The following DHRSX variants were observed in gnomAD, a reference collection of about 807,000 sequenced individuals.
DHRSX encodes polyprenol dehydrogenase.
In DHRSX, 31 loss-of-function variants were observed where a neutral mutation model predicts 34.0. The ratio of observed to expected loss-of-function variants is 0.91; its 90% CI spans 0.69 to 1.23. The LOEUF (loss-of-function observed/expected upper bound fraction) is 1.23, where lower values mean the gene tolerates loss of function less well. Ranked by LOEUF, DHRSX falls within the 50% of genes most tolerant of loss-of-function variation. The pLI is 0.00. For missense variants in DHRSX, 414 were observed against 428.1 expected, an observed-to-expected ratio of 0.97 and a Z score of 0.29; for synonymous variants, 201 against 183.8, an observed-to-expected ratio of 1.09 and a Z score of -0.76.
At chrX:2,339,554 C>A (rs757861168) in intron 3 of DHRSX, among the ~76,000 whole-genome samples, 1 of 152,118 alleles carries the variant, frequency 6.6e-6, no homozygotes, top group South Asian at 2.1e-4. Context: ...CCAAGCTCTC[C>A]CCAAGTCCCC....
chrX:2,230,328 T>A (rs937223885), intron 6 of DHRSX, among the ~76,000 whole-genome samples: 2 of 152,230 alleles, frequency 1.3e-5, no homozygotes, highest in African/African-American at 4.8e-5. Context: ...ATGGCCTCAG[T>A]GACCACCTGA....
At chrX:2,324,602 G>T (rs1185475684) in intron 3 of DHRSX, among the ~76,000 whole-genome samples, 1 of 152,012 alleles carries the variant, frequency 6.6e-6, no homozygotes, top group Non-Finnish European at 1.5e-5. Context: ...CAGGGACCAT[G>T]TCCTATTCAC....
chrX:2,328,111 G>C (rs1166141540), intron 3 of DHRSX, among the ~76,000 whole-genome samples: 2 of 151,100 alleles, frequency 1.3e-5, no homozygotes, highest in African/African-American at 2.4e-5. Context: ...TGAGGACACA[G>C]ACACACAGAG....
intron 1 of DHRSX, among the ~76,000 whole-genome samples, chrX:2,449,695 C>G (rs1358546834): frequency 1.3e-5 from 2 of 152,108 alleles, no homozygotes; most frequent in East Asian, 1.9e-4. Context: ...CACAGCACCT[C>G]TCGCTTGGTT....
rs1164938475 is a variant in DHRSX at position 2,434,726 on chromosome X, A to C, written c.110-9422T>G. Among the ~76,000 whole-genome samples the C allele has an allele frequency of 2.0e-5, 3 of 152,178 alleles. No individual in the cohort carries two copies. In the East Asian group the frequency reaches 5.8e-4, roughly 29 times the overall value. ...ATTTTCTTTTTGGCTCAGCTATTCC[A>C]CTTCCAAGAATTACTTGCACAGATA... On this transcript the variant is annotated intron_variant, in intron 1 of 6. Coordinates refer to ENST00000334651, the MANE Select transcript of DHRSX (RefSeq NM_145177.3).
At chrX:2,311,226 G>T (rs1222757192) in intron 3 of DHRSX, among the ~76,000 whole-genome samples, 5 of 152,006 alleles carry the variant, frequency 3.3e-5, no homozygotes, top group Non-Finnish European at 7.4e-5. Context: ...CACAGAGAGG[G>T]AGAGAAAGAG....
chrX:2,327,492 T>C (rs1461723836), intron 3 of DHRSX, among the ~76,000 whole-genome samples: 4 of 152,210 alleles, frequency 2.6e-5, no homozygotes, highest in Non-Finnish European at 5.9e-5. Flanking sequence ...CAGGCTTTCC[T>C]GGCCACCCTG....
At chrX:2,430,284 AT>A (rs1410672107) in intron 1 of DHRSX, among the ~76,000 whole-genome samples, 1 of 149,994 alleles carries the variant, frequency 6.7e-6, no homozygotes, top group Non-Finnish European at 1.5e-5. Context: ...AGCATCACAG[AT>A]TGCAGAATGG....
chrX:2,425,328 A>G, intron 1 of DHRSX, 24 bp from the exon 2 acceptor site: 2 of 1,583,206 alleles, frequency 1.3e-6, no homozygotes, highest in Admixed American at 1.7e-5. Flanking sequence ...AGAGAAAATC[A>G]TCAAACTAAG....
intron 1 of DHRSX, among the ~76,000 whole-genome samples, chrX:2,433,245 G>A (rs1398411807): frequency 6.6e-6 from 1 of 152,032 alleles, no homozygotes; most frequent in African/African-American, 2.4e-5. Flanking sequence ...TATCTAAAAA[G>A]TTCAACTCCA....
At chrX:2,360,783 C>T (rs1418716901) in intron 3 of DHRSX, among the ~76,000 whole-genome samples, 4 of 151,952 alleles carry the variant, frequency 2.6e-5, no homozygotes, top group Admixed American at 2.0e-4. Flanking sequence ...TGGGCAGATG[C>T]TTAGACAGGG....
chrX:2,413,924 A>G (rs1479978870), intron 2 of DHRSX, among the ~76,000 whole-genome samples: 1 of 151,868 alleles, frequency 6.6e-6, no homozygotes. Context: ...CCTCAACATG[A>G]CCTAATACAA....
intron 6 of DHRSX, among the ~76,000 whole-genome samples, chrX:2,239,364 G>A (rs1390286750): frequency 1.3e-5 from 2 of 148,170 alleles, no homozygotes; most frequent in Non-Finnish European, 3.0e-5. Context: ...TAATTCCAGC[G>A]CACAAGACCA....
chrX:2,462,551 TTAGA>T (rs2044418067), intron 1 of DHRSX, among the ~76,000 whole-genome samples: 1 of 151,908 alleles, frequency 6.6e-6, no homozygotes, highest in South Asian at 2.1e-4. Flanking sequence ...AAAAACAATG[TTAGA>T]TAGTATCGGA....
chrX:2,432,073 A>G (rs1025775443), intron 1 of DHRSX, among the ~76,000 whole-genome samples: 33 of 152,192 alleles, frequency 2.2e-4, no homozygotes, highest in Admixed American at 1.3e-3. Context: ...TGCCACCTGT[A>G]ATCCCAGCGA....
At chrX:2,448,469 T>C (rs2044169418) in intron 1 of DHRSX, among the ~76,000 whole-genome samples, 1 of 151,284 alleles carries the variant, frequency 6.6e-6, no homozygotes, top group Admixed American at 6.6e-5. Flanking sequence ...TTTTACATAT[T>C]CTGACCACAA....
At chrX:2,313,159 C>T (rs2042184614) in intron 3 of DHRSX, among the ~76,000 whole-genome samples, 1 of 148,986 alleles carries the variant, frequency 6.7e-6, no homozygotes, top group Non-Finnish European at 1.5e-5. Flanking sequence ...CTTGCCACCA[C>T]ACCTGGGTAA....
At chrX:2,347,893 G>C (rs1222051596) in intron 3 of DHRSX, among the ~76,000 whole-genome samples, 2 of 152,156 alleles carry the variant, frequency 1.3e-5, no homozygotes, top group Admixed American at 6.5e-5. Context: ...CTCCCTGTTG[G>C]AACCACCCTG....
At chrX:2,269,530 T>C (rs935841432) in intron 4 of DHRSX, among the ~76,000 whole-genome samples, 2 of 152,166 alleles carry the variant, frequency 1.3e-5, no homozygotes, top group African/African-American at 4.8e-5. Flanking sequence ...GTGTATTTTA[T>C]ATGTATGTAT....
Sources: gnomAD v4.1 joint callset for allele counts (sites outside exome capture counted in the v4.1 genomes callset) on GRCh38, gnomAD v4.1.1 for gene constraint, MANE v1.5 for transcripts, NCBI Gene and HGNC (gene_info 2026-07-23, HGNC 2026-07-21) for gene names.